DNAH6: variants seen among roughly 807,000 people sequenced by gnomAD.
The protein encoded by DNAH6 is dynein axonemal heavy chain 6.
Under a neutral mutation model 491.4 loss-of-function variants are expected in DNAH6, and 340 were observed. The ratio of observed to expected loss-of-function variants is 0.69; its 90% confidence interval spans 0.63 to 0.76. The LOEUF (loss-of-function observed/expected upper bound fraction) is 0.76, where lower values mean the gene tolerates loss of function less well. Ranked by LOEUF, DNAH6 falls within the 30% of genes least tolerant of loss-of-function variation. DNAH6 has a pLI of 0.00. For missense variants in DNAH6, 4,443 were observed against 4,972.2 expected (o/e 0.89, Z 3.20); for synonymous variants, 1,603 against 1,686.1 (o/e 0.95, Z 1.21).
At chr2:84,476,736 A>G in the DNAH6 span, among the ~76,000 whole-genome samples, 1 of 152,180 alleles carries the variant, frequency 6.6e-6, no homozygotes, top group Admixed American at 6.5e-5. Flanking sequence ...CCAACTCCAT[A>G]GTCCCTCGTT....
chr2:84,536,155 A>G (rs888549192), intron 4 of DNAH6, among the ~76,000 whole-genome samples: 11 of 152,072 alleles, frequency 7.2e-5, no homozygotes, highest in Non-Finnish European at 1.2e-4. Context: ...AACTGAGAAC[A>G]AATACTATTT....
At chr2:84,592,201 G>C (rs1270693657) in intron 16 of DNAH6, among the ~76,000 whole-genome samples, 2 of 151,670 alleles carry the variant, frequency 1.3e-5, no homozygotes, top group Non-Finnish European at 2.9e-5. Context: ...TTGATAAGAG[G>C]TTATTATCTA....
At chr2:84,599,145 C>G (rs942640316) in intron 18 of DNAH6, among the ~76,000 whole-genome samples, 3 of 151,130 alleles carry the variant, frequency 2.0e-5, no homozygotes, top group African/African-American at 7.3e-5. Context: ...AATGTCTGTT[C>G]AGATCTTTTG....
the DNAH6 span, among the ~76,000 whole-genome samples, chr2:84,504,175 A>C: frequency 6.6e-6 from 1 of 152,106 alleles, no homozygotes; most frequent in Non-Finnish European, 1.5e-5. Context: ...TGCTTGATCA[A>C]TTCTAATATT....
the DNAH6 span, among the ~76,000 whole-genome samples, chr2:84,502,204 G>T: frequency 1.6e-3 from 241 of 151,880 alleles, no homozygotes; most frequent in African/African-American, 5.7e-3. Flanking sequence ...TATCCCATAG[G>T]GTTTGGTATA....
intron 49 of DNAH6, among the ~76,000 whole-genome samples, chr2:84,702,611 C>T (rs569433125): frequency 1.3e-4 from 20 of 148,516 alleles, no homozygotes; most frequent in African/African-American, 3.5e-4. Context: ...GGCATAATCT[C>T]GGCTCACTGC....
chr2:84,467,482 G>C, the DNAH6 span, among the ~76,000 whole-genome samples: 6 of 152,186 alleles, frequency 3.9e-5, no homozygotes, highest in Non-Finnish European at 7.3e-5. Context: ...GTGCAGATAA[G>C]AGCTGACTCC....
chr2:84,799,051 A>G (rs2105294523), intron 70 of DNAH6, among the ~76,000 whole-genome samples: 2 of 150,006 alleles, frequency 1.3e-5, no homozygotes, highest in East Asian at 2.0e-4. Flanking sequence ...GCAGTGGCAC[A>G]ATCTCAGCTC....
In DNAH6 at chr2:84,643,703, A is replaced by G. The variant is rs1689631417; in HGVS notation, c.5078+1649A>G. Among the ~76,000 whole-genome samples the G allele has an allele frequency of 3.3e-5, 5 of 152,166 alleles. No individual in the cohort carries two copies. The South Asian group carries it at 1.0e-3, about 32-fold the overall frequency. On this transcript the variant is annotated intron_variant, in intron 33 of 76. Transcript: ENST00000389394. ...TCTCTGTTATAGTGTGCTGGTTTTT[A>G]TAATTCATTTCTTTCTGCTTCTTTC...
chr2:84,519,240 C>T (rs964049152), intron 2 of DNAH6, among the ~76,000 whole-genome samples: 2 of 151,576 alleles, frequency 1.3e-5, no homozygotes, highest in Non-Finnish European at 2.9e-5. Flanking sequence ...CCACTGGGCA[C>T]CAGCTGAGGC....
the DNAH6 span, among the ~76,000 whole-genome samples, chr2:84,492,279 G>A: frequency 6.6e-6 from 1 of 152,170 alleles, no homozygotes. Context: ...GTCCCTTAGA[G>A]TAGAGACCTT....
intron 70 of DNAH6, among the ~76,000 whole-genome samples, chr2:84,802,050 G>A (rs1041998964): frequency 5.9e-5 from 9 of 152,122 alleles, no homozygotes; most frequent in African/African-American, 2.2e-4. Flanking sequence ...TACAAGAAAT[G>A]CTTAAGGGAA....
At chr2:84,461,188 A>G in the DNAH6 span, among the ~76,000 whole-genome samples, 5 of 152,200 alleles carry the variant, frequency 3.3e-5, no homozygotes, top group Non-Finnish European at 7.3e-5. Flanking sequence ...AAAGAAGTTA[A>G]TCACTTATGT....
At chr2:84,658,561 TA>T (rs1283708725) in intron 36 of DNAH6, 87 bp downstream of exon 36, 1 of 959,700 alleles carries the variant, frequency 1.0e-6, no homozygotes, top group Non-Finnish European at 1.5e-6. Flanking sequence ...CATTCTAAAA[TA>T]TAACCATTTG....
chr2:84,518,002 C>T lies in DNAH6; in HGVS notation c.176C>T (p.Ala59Val). 1.0e-5 allele frequency: 16 copies of T among 1,551,576 alleles called. No individual in the cohort carries two copies. The highest frequency in any genetic ancestry group is 1.4e-5 in the Non-Finnish European group (16 of 1,146,952). The part of the protein sequence containing the change: ...QILTFRHITK[A>V]QEKTRKRQQP... ...CTAACGTTTAGGCACATTACAAAAG[C>T]TCAGGAGAAGACAAGAAAACGACAG... The change falls in exon 2 of 77, where the codon GCT becomes GTT. Residue 59 changes from alanine to valine, a missense_variant. Ala to Val is a moderately conservative substitution (Grantham distance 64). Transcript: ENST00000389394.
At chr2:84,802,462 G>A (rs1195396862) in intron 70 of DNAH6, among the ~76,000 whole-genome samples, 1 of 151,844 alleles carries the variant, frequency 6.6e-6, no homozygotes, top group Non-Finnish European at 1.5e-5. Context: ...GGACAAAGAG[G>A]GCATGATATA....
At chr2:84,785,302 A>T (rs560320077) in intron 66 of DNAH6, among the ~76,000 whole-genome samples, 1 of 152,220 alleles carries the variant, frequency 6.6e-6, no homozygotes, top group Middle Eastern at 3.2e-3. Context: ...GCAAAATTCA[A>T]TGAGGAAACC....
rs745390966 is a variant in DNAH6, at chr2:84,669,497, C to T, written c.6293C>T (p.Thr2098Ile). 4 of 1,551,516 alleles carry T rather than the reference C, an allele frequency of 2.6e-6. No homozygotes were observed. The South Asian group carries it at 4.8e-5, about 18-fold the overall frequency. ...CATTCCGTGTTGTTTACTGGAATAA[C>T]TGGAGTGGGCAAGGTAGGAAACTTA... ...VKHSVLFTGI[T>I]GVGKSVIAKG... The change falls in exon 38 of 77, where the codon ACT becomes ATT. Residue 2098 changes from threonine (T) to isoleucine (I), a missense_variant. Coordinates refer to ENST00000389394, the MANE Select transcript of DNAH6 (RefSeq NM_001370.2).
chr2:84,646,485 G>T (rs1689910372), intron 33 of DNAH6, among the ~76,000 whole-genome samples: 1 of 152,186 alleles, frequency 6.6e-6, no homozygotes, highest in Admixed American at 6.5e-5. Flanking sequence ...TAGGCTGAAA[G>T]CTAGGCCTCT....
Sources: allele counts gnomAD v4.1 joint callset (sites outside exome capture counted in the v4.1 genomes callset), GRCh38; gene constraint gnomAD v4.1.1; transcripts MANE v1.5; gene names NCBI Gene and HGNC (gene_info 2026-07-23, HGNC 2026-07-21).